The following DCLRE1C variants were observed in gnomAD, a reference collection of about 807,000 sequenced individuals.
DCLRE1C encodes DNA cross-link repair 1C.
A neutral mutation model predicts 61.4 loss-of-function variants in DCLRE1C; 47 were observed. That is an observed-to-expected ratio of 0.77 (90% CI 0.61 to 0.98). The LOEUF (loss-of-function observed/expected upper bound fraction) is 0.98. Among genes scored for constraint, DCLRE1C ranks in the 50% least tolerant of loss-of-function variants. The pLI is 0.00. For missense variants in DCLRE1C, 858 were observed against 816.0 expected (o/e 1.05, Z -0.63); for synonymous variants, 337 against 287.6 (o/e 1.17, Z -1.74).
At chr10:14,923,185 A>T (rs1226202781) in intron 11 of DCLRE1C, 116 bp from the exon 12 acceptor site, 1 of 801,644 alleles carries the variant, frequency 1.2e-6, no homozygotes, top group African/African-American at 1.7e-5. Context: ...GTGGTTCTCA[A>T]TGCTGGCTGC....
At chr10:14,914,835 G>A (rs547391826) in intron 13 of DCLRE1C, among the ~76,000 whole-genome samples, 103 of 151,928 alleles carry the variant, frequency 6.8e-4, no homozygotes, top group African/African-American at 2.4e-3. Flanking sequence ...AGCTACTTCG[G>A]ATGCTGACAC....
At chr10:14,938,733 G>C (rs1840387557) in intron 4 of DCLRE1C, among the ~76,000 whole-genome samples, 1 of 152,072 alleles carries the variant, frequency 6.6e-6, no homozygotes, top group Admixed American at 6.6e-5. Flanking sequence ...CAGAAAAAAA[G>C]TACAATATTC....
At chr10:14,953,435 C>T (rs1380372807) in intron 1 of DCLRE1C, among the ~76,000 whole-genome samples, 3 of 152,094 alleles carry the variant, frequency 2.0e-5, no homozygotes, top group Non-Finnish European at 2.9e-5. Context: ...ACGGACAGAA[C>T]ACCCAAAGGC....
At chr10:14,914,424 T>C (rs1835819145) in intron 13 of DCLRE1C, among the ~76,000 whole-genome samples, 1 of 152,188 alleles carries the variant, frequency 6.6e-6, no homozygotes. Context: ...AGTCCACAAT[T>C]ACAACTGGAG....
intron 1 of DCLRE1C, among the ~76,000 whole-genome samples, chr10:14,951,672 GC>G (rs2131205432): frequency 6.6e-6 from 1 of 152,272 alleles, no homozygotes; most frequent in South Asian, 2.1e-4. Flanking sequence ...CTTACAGACA[GC>G]CGCCTTCTCA....
In DCLRE1C at chr10:14,908,953, C is replaced by T; in HGVS notation, c.1534G>A (p.Val512Met). The T allele has an allele frequency of 6.2e-7, 1 of 1,614,190 alleles. No individual in the cohort carries two copies. The stretch of plus-strand genomic sequence containing the variant: ...TTTGGTGACTGAGATCCCCCTGCCA[C>T]TGTGGAGGAAGGGAAGTTTTCCAAA... ...ESLENFPSST[V>M]AGGSQSPKLF... The change falls in exon 14 of 14, where the codon GTG (valine) becomes ATG (methionine). Residue 512 changes from valine (V) to methionine (M), a missense_variant. By Grantham distance (21) the Val-to-Met change is conservative. Transcript: ENST00000378278.
chr10:14,946,706 G>A lies in DCLRE1C; in HGVS notation c.162-1517C>T, dbSNP rs1022198596. ...GGGGAGGGGAGCTCACTGTCACCCA[G>A]GCTGGAATGCAAGCTATCCTCCCAC... On this transcript the variant is annotated intron_variant, in intron 2 of 13. Transcript: ENST00000378278. Among the ~76,000 whole-genome samples, 3 of 151,930 alleles carry A rather than the reference G, an allele frequency of 2.0e-5. No homozygotes were observed. In the South Asian group the frequency reaches 6.2e-4, roughly 32 times the overall value.
chr10:14,951,023 G>C (rs1232659796), intron 1 of DCLRE1C, among the ~76,000 whole-genome samples: 1 of 152,114 alleles, frequency 6.6e-6, no homozygotes, highest in Non-Finnish European at 1.5e-5. Context: ...CACAGCATTG[G>C]CTTCCAGATG....
intron 2 of DCLRE1C, among the ~76,000 whole-genome samples, chr10:14,947,232 AAAC>A (rs869143619): frequency 3.9e-5 from 6 of 151,956 alleles, no homozygotes; most frequent in Non-Finnish European, 7.4e-5. Context: ...ACAAACAAAC[AAAC>A]AAACAAAAAA....
intron 3 of DCLRE1C, among the ~76,000 whole-genome samples, chr10:14,941,609 G>A (rs1840875136): frequency 6.6e-6 from 1 of 152,158 alleles, no homozygotes; most frequent in African/African-American, 2.4e-5. Flanking sequence ...CATATTGTAT[G>A]TTTTCTTTAT....
At position 14,928,051 on chromosome 10, in the gene DCLRE1C, A is replaced by C; in HGVS notation, c.882T>G (p.Phe294Leu). ...CATTTGTTTTTCTGCTCCTTTCTCC[A>C]AACCACATGGTGGATGGCTTAATGC... is the stretch of plus-strand genomic sequence containing the variant. ...IISIKPSTMW[F>L]GERSRKTNVI... The change falls in exon 10 of 14, where the codon TTT becomes TTG. Residue 294 changes from phenylalanine (F) to leucine (L), a missense_variant. Physicochemically the swap from Phe to Leu is conservative, Grantham distance 22 (BLOSUM62 0). Coordinates refer to ENST00000378278, the MANE Select transcript of DCLRE1C (RefSeq NM_001033855.3). 6.2e-7 allele frequency: 1 copy of C among 1,613,932 alleles called. No individual in the cohort carries two copies. Among genetic ancestry groups the C allele is most frequent in the Non-Finnish European group, 8.5e-7 (1 of 1,179,944 alleles).
In DCLRE1C at chr10:14,908,623, T is replaced by C. The variant is rs1338342237; in HGVS notation, c.1864A>G (p.Thr622Ala). The C allele has an allele frequency of 3.1e-6, 5 of 1,614,220 alleles. No individual in the cohort carries two copies. The highest frequency in any genetic ancestry group is 2.2e-5 in the East Asian group (1 of 44,874). ...ATATGTGTCTCACTGCTTAGAGTAG[T>C]TGGTTCTCCAGTACTAGGAACTATT... is the stretch of plus-strand genomic sequence containing the variant. ...VTIVPSTGEP[T>A]TLSSETHIPE... The change falls in exon 14 of 14, where the codon ACT (threonine) becomes GCT (alanine). Residue 622 changes from threonine to alanine, a missense_variant. By Grantham distance (58) the Thr-to-Ala change is moderately conservative. This residue lies in a region of DCLRE1C where 843 missense variants were observed against 783.5 expected (regional missense o/e 1.08). Transcript: ENST00000378278.
intron 6 of DCLRE1C, 87 bp from the exon 7 acceptor site, chr10:14,934,862 C>T: frequency 2.1e-6 from 2 of 947,592 alleles, no homozygotes; most frequent in South Asian, 1.3e-5. Context: ...GAGTTTCGCT[C>T]TGTTGCCCAG....
chr10:14,945,612 T>G (rs773210522), intron 2 of DCLRE1C: 1 of 1,007,120 alleles, frequency 9.9e-7, no homozygotes, highest in Non-Finnish European at 1.2e-6. Context: ...AAAAGGTGTG[T>G]TGAGAACAGA....
chr10:14,951,004 C>T (rs1043496730), intron 1 of DCLRE1C, among the ~76,000 whole-genome samples: 13 of 152,286 alleles, frequency 8.5e-5, no homozygotes, highest in Admixed American at 2.0e-4. Flanking sequence ...TAGTAAAGCC[C>T]ACCCTGCACA....
chr10:14,946,410 C>A (rs958382842), intron 2 of DCLRE1C, among the ~76,000 whole-genome samples: 5 of 152,318 alleles, frequency 3.3e-5, no homozygotes, highest in Admixed American at 3.3e-4. Context: ...CATACACCAT[C>A]CATACATGCT....
intron 3 of DCLRE1C, among the ~76,000 whole-genome samples, chr10:14,941,281 C>G (rs1292475447): frequency 6.6e-6 from 1 of 152,140 alleles, no homozygotes; most frequent in Non-Finnish European, 1.5e-5. Flanking sequence ...TCCATCAGCT[C>G]CTTTATTTAT....
chr10:14,934,504 C>A lies in DCLRE1C; in HGVS notation c.554G>T (p.Gly185Val). The A allele has an allele frequency of 6.2e-7, 1 of 1,614,148 alleles. No individual in the cohort carries two copies. The highest frequency in any genetic ancestry group is 8.5e-7 in the Non-Finnish European group (1 of 1,180,030). ...CCAGCTTCGGACCAGCTCTAAGACTCCACTTAAACACTCCTCCTAGACAGG... is the reference window on the plus strand; with the variant it reads ...CCAGCTTCGGACCAGCTCTAAGACTACACTTAAACACTCCTCCTAGACAGG... ...QIPSREECLS[G>V]VLELVRSWIT... The change falls in exon 8 of 14, where the codon GGA becomes GTA. Residue 185 changes from glycine to valine, a missense_variant. Transcript: ENST00000378278.
At chr10:14,937,842 C>G (rs1351456738) in intron 4 of DCLRE1C, among the ~76,000 whole-genome samples, 4 of 140,548 alleles carry the variant, frequency 2.8e-5, no homozygotes, top group African/African-American at 5.4e-5. Context: ...TGCAGTGAGC[C>G]AAGATCGCCC....
Sources: gnomAD v4.1 joint callset for allele counts (sites outside exome capture counted in the v4.1 genomes callset) on GRCh38, gnomAD v4.1.1 for gene constraint, gnomAD v4.1.1 regional missense constraint, MANE v1.5 for transcripts, NCBI Gene and HGNC (gene_info 2026-07-23, HGNC 2026-07-21) for gene names.